Variants in PTGR1 observed in about 807,000 individuals in gnomAD.
PTGR1 encodes 15-oxoprostaglandin 13-reductase.
A neutral mutation model predicts 37.7 loss-of-function variants in PTGR1; 23 were observed. The observed-to-expected ratio is 0.61, with a 90% CI of 0.44 to 0.86. The LOEUF (loss-of-function observed/expected upper bound fraction) is 0.86, where lower values mean the gene tolerates loss of function less well. PTGR1 is among the 40% of genes least tolerant of loss of function. The pLI is 0.00. For missense variants in PTGR1, 351 were observed against 394.3 expected, an observed-to-expected ratio of 0.89 and a Z score of 0.93; for synonymous variants, 134 against 140.0, an observed-to-expected ratio of 0.96 and a Z score of 0.30.
At chr9:111,586,799 CTCTCTA>C (rs1013456848) in intron 4 of PTGR1, among the ~76,000 whole-genome samples, 67 of 148,156 alleles carry the variant, frequency 4.5e-4, no homozygotes, top group East Asian at 2.0e-4. Context: ...CTCTCTCTCT[CTCTCTA>C]TATATATATA....
intron 1 of PTGR1, among the ~76,000 whole-genome samples, chr9:111,597,971 T>G (rs1258649608): frequency 6.6e-6 from 1 of 151,352 alleles, no homozygotes; most frequent in Non-Finnish European, 1.5e-5. Flanking sequence ...AGGGCGCCGC[T>G]GCTCCGCCCC....
At chr9:111,582,179 T>G (rs1829301265) in intron 6 of PTGR1, among the ~76,000 whole-genome samples, 1 of 151,530 alleles carries the variant, frequency 6.6e-6, no homozygotes. Context: ...TGACAATTAA[T>G]AAGAATGACT....
intron 8 of PTGR1, among the ~76,000 whole-genome samples, chr9:111,572,548 C>CTGGAG (rs1462749717): frequency 1.3e-5 from 2 of 151,968 alleles, no homozygotes; most frequent in Non-Finnish European, 2.9e-5. Flanking sequence ...CGAGATCGTG[C>CTGGAG]CATTGCACTC....
chr9:111,591,755 T>C (rs79718898), intron 4 of PTGR1, among the ~76,000 whole-genome samples: 7,737 of 152,200 alleles, frequency 0.051, 358 homozygotes, highest in East Asian at 0.15. Context: ...ATAAAAATTT[T>C]GTTTTATTTG....
intron 9 of PTGR1, 97 bp downstream of exon 9, chr9:111,569,994 G>C: frequency 6.4e-7 from 1 of 1,562,016 alleles, no homozygotes. Flanking sequence ...TGACGATGCG[G>C]CAGAGATGGG....
intron 7 of PTGR1, chr9:111,576,341 T>G: frequency 6.2e-7 from 1 of 1,613,742 alleles, no homozygotes; most frequent in Non-Finnish European, 8.5e-7. Flanking sequence ...CAGTACTCAC[T>G]AAGCTTTCCC....
chr9:111,557,144 TC>T (rs916297508), intron 9 of PTGR1, among the ~76,000 whole-genome samples: 5 of 152,148 alleles, frequency 3.3e-5, no homozygotes, highest in Non-Finnish European at 7.4e-5. Flanking sequence ...CTTGAATTCC[TC>T]CCCAGAAAAT....
intron 3 of PTGR1, among the ~76,000 whole-genome samples, chr9:111,593,904 A>AT (rs1189724812): frequency 3.7e-5 from 4 of 107,146 alleles, no homozygotes; most frequent in African/African-American, 1.5e-4. Context: ...CCCAGGCTTT[A>AT]TTTTTTTCTT....
At chr9:111,582,468 TTG>T (rs1310853142) in intron 6 of PTGR1, among the ~76,000 whole-genome samples, 1 of 152,204 alleles carries the variant, frequency 6.6e-6, no homozygotes, top group Non-Finnish European at 1.5e-5. Context: ...CCAAACTCAC[TTG>T]TGACTATAGA....
At chr9:111,561,599 T>G (rs935920084), downstream of PTGR1, among the ~76,000 whole-genome samples, 1 of 152,174 alleles carries the variant, frequency 6.6e-6, no homozygotes, top group Non-Finnish European at 1.5e-5. Context: ...ATATAAATCT[T>G]GCACATTTTT....
intron 4 of PTGR1, among the ~76,000 whole-genome samples, chr9:111,591,388 T>TTTTTTG (rs1829616770): frequency 6.8e-6 from 1 of 146,154 alleles, no homozygotes; most frequent in African/African-American, 2.5e-5. Flanking sequence ...TTTTTTTTTT[T>TTTTTTG]TGAGATGGAG....
At chr9:111,583,899 G>C (rs563416236) in intron 5 of PTGR1, among the ~76,000 whole-genome samples, 1 of 152,298 alleles carries the variant, frequency 6.6e-6, no homozygotes, top group Admixed American at 6.5e-5. Context: ...GGGGATTCAA[G>C]AAGAGAGAGC....
chr9:111,549,932 C>A, intron 9 of PTGR1: 1 of 600,692 alleles, frequency 1.7e-6, no homozygotes, highest in Non-Finnish European at 2.9e-6. Context: ...TTTGAATGGT[C>A]AATACTTGTT....
intron 9 of PTGR1, among the ~76,000 whole-genome samples, chr9:111,557,417 T>C (rs540316467): frequency 6.7e-6 from 1 of 148,852 alleles, no homozygotes; most frequent in African/African-American, 2.5e-5. Flanking sequence ...AAAGGTACCA[T>C]GCCGTTGAAC....
rs1829809615 is a variant in PTGR1, at chr9:111,597,315, AC to A, written c.106+1del. 3 of 1,593,866 alleles carry A rather than the reference AC, an allele frequency of 1.9e-6. No individual in the cohort carries two copies. Among genetic ancestry groups the A allele is most frequent in the Non-Finnish European group, 2.6e-6 (3 of 1,162,584 alleles). ...CTCTGAAATATTTTTAGTATGACTT[AC>A]CTCCATTTTTTAAGGGTGGGAGCTC... On this transcript the variant is annotated splice_donor_variant, in intron 2 of 9. Transcript: ENST00000407693. LOFTEE classifies it high-confidence loss of function.
At chr9:111,587,182 A>T (rs1310077041) in intron 4 of PTGR1, among the ~76,000 whole-genome samples, 1 of 151,882 alleles carries the variant, frequency 6.6e-6, no homozygotes, top group African/African-American at 2.4e-5. Flanking sequence ...CAGGGTACTG[A>T]TCTCTGCTGG....
At chr9:111,559,928 G>A (rs542446447), downstream of PTGR1, among the ~76,000 whole-genome samples, 1 of 152,248 alleles carries the variant, frequency 6.6e-6, no homozygotes, top group South Asian at 2.1e-4. Flanking sequence ...CATCTTTCCA[G>A]AGTTTTTGTA....
chr9:111,566,032 T>C (rs1450270309), intron 9 of PTGR1, among the ~76,000 whole-genome samples: 1 of 151,846 alleles, frequency 6.6e-6, no homozygotes, highest in Non-Finnish European at 1.5e-5. Flanking sequence ...GCCAACATCG[T>C]GAAACCCCAT....
intron 7 of PTGR1, chr9:111,576,490 G>T: frequency 6.3e-7 from 1 of 1,595,354 alleles, no homozygotes. Context: ...TGCAGTTCAA[G>T]AGGCTCTGGT....
Sources: allele counts gnomAD v4.1 joint callset (sites outside exome capture counted in the v4.1 genomes callset), GRCh38; gene constraint gnomAD v4.1.1; transcripts MANE v1.5; gene names NCBI Gene and HGNC (gene_info 2026-07-23, HGNC 2026-07-21).